The following ADAMTS6 variants were observed in gnomAD, a reference collection of about 807,000 sequenced individuals.
ADAMTS6 encodes A disintegrin and metalloproteinase with thrombospondin motifs 6.
ADAMTS6 carries 23 observed loss-of-function variants against 144.3 expected under a neutral mutation model. The observed-to-expected ratio is 0.16, with a 90% confidence interval of 0.11 to 0.23. The LOEUF is 0.23. Among genes scored for constraint, ADAMTS6 ranks in the 10% least tolerant of loss-of-function variants. ADAMTS6 has a pLI of 1.00. For missense variants in ADAMTS6, 999 were observed against 1,379.6 expected (o/e 0.72, Z 4.37); for synonymous variants, 444 against 457.5 (o/e 0.97, Z 0.38).
At position 65,273,453 on chromosome 5, in the gene ADAMTS6, A is replaced by G; in HGVS notation, c.1513-6T>C. ...CAGAGCTCTCTACACACTTCCTAGGAAAGAAGGCAAAAGCAAGTTGATCAG... is the reference window on the plus strand; with the variant it reads ...CAGAGCTCTCTACACACTTCCTAGGGAAGAAGGCAAAAGCAAGTTGATCAG... On this transcript the variant is annotated splice_polypyrimidine_tract_variant and splice_region_variant and intron_variant, in intron 11 of 24. Coordinates refer to ENST00000381055, the MANE Select transcript of ADAMTS6 (RefSeq NM_197941.4). 6.2e-7 allele frequency: 1 copy of G among 1,607,296 alleles called. No individual in the cohort carries two copies.
intron 22 of ADAMTS6, among the ~76,000 whole-genome samples, chr5:65,176,165 G>A (rs1415845082): frequency 6.6e-6 from 1 of 152,094 alleles, no homozygotes; most frequent in African/African-American, 2.4e-5. Context: ...TGTTATATGG[G>A]AAGTTCTTGT....
intron 7 of ADAMTS6, among the ~76,000 whole-genome samples, chr5:65,451,128 G>T (rs1580737844): frequency 1.3e-5 from 2 of 152,036 alleles, no homozygotes; most frequent in African/African-American, 4.8e-5. Flanking sequence ...TTATTTTTAA[G>T]ATATGTATTT....
Position 65,437,237 on chromosome 5 carries a change from G to A in ADAMTS6, c.1073+14238C>T, listed in dbSNP as rs548388161. On this transcript the variant is annotated intron_variant, in intron 7 of 24. Transcript: ENST00000381055. ...AGCCTCCCGAGTAGCTGGGACTACA[G>A]GCACCCACCACCACGCCCAGATAAT... Among the ~76,000 whole-genome samples the A allele has an allele frequency of 5.3e-4, 81 of 152,016 alleles. No individual in the cohort carries two copies. In the South Asian group the frequency reaches 0.017, roughly 31 times the overall value.
At chr5:65,306,244 T>C (rs530712375) in intron 9 of ADAMTS6, among the ~76,000 whole-genome samples, 11 of 152,324 alleles carry the variant, frequency 7.2e-5, no homozygotes, top group South Asian at 4.1e-4. Context: ...ATGAGTAACA[T>C]AGACTATTAA....
intron 7 of ADAMTS6, among the ~76,000 whole-genome samples, chr5:65,360,947 T>C (rs1817873): frequency 0.57 from 87,133 of 151,976 alleles, 26,430 homozygotes; most frequent in African/African-American, 0.78. Context: ...GGGCTTTTGG[T>C]AGGCACTGAT....
At chr5:65,361,445 C>T (rs1749812867) in intron 7 of ADAMTS6, among the ~76,000 whole-genome samples, 1 of 152,126 alleles carries the variant, frequency 6.6e-6, no homozygotes, top group Non-Finnish European at 1.5e-5. Flanking sequence ...GAACTAGGCA[C>T]CTCAGTTTCA....
chr5:65,267,714 A>AT (rs1364048814), intron 12 of ADAMTS6, among the ~76,000 whole-genome samples: 2 of 152,190 alleles, frequency 1.3e-5, no homozygotes, highest in African/African-American at 2.4e-5. Context: ...TTTAAAAAAA[A>AT]TTTTTTTCTA....
Position 65,262,801 on chromosome 5 carries a change from T to C in ADAMTS6, c.1766+16A>G. The C allele has an allele frequency of 1.9e-5, 28 of 1,487,022 alleles. No homozygotes were observed. The highest frequency in any genetic ancestry group is 2.5e-5 in the Non-Finnish European group (28 of 1,121,836). 92.1% of individuals were successfully genotyped at this position (1,487,022 alleles called of 1,614,324 possible). ...CTGTGTCTTTTTGTTGGCTCCGGCT[T>C]ACTTTAGCTACTTACGCTGGACTGT... On this transcript the variant is annotated intron_variant, in intron 13 of 24. Transcript: ENST00000381055.
intron 7 of ADAMTS6, among the ~76,000 whole-genome samples, chr5:65,404,039 G>A (rs771313316): frequency 6.6e-6 from 1 of 152,006 alleles, no homozygotes; most frequent in Admixed American, 6.6e-5. Flanking sequence ...AGTTGGCAAT[G>A]AAATCCAGAG....
intron 7 of ADAMTS6, among the ~76,000 whole-genome samples, chr5:65,419,281 CA>C (rs1342005228): frequency 6.6e-6 from 1 of 152,144 alleles, no homozygotes; most frequent in African/African-American, 2.4e-5. Context: ...GTATCCTAAG[CA>C]AATTAATGCA....
chr5:65,321,708 C>CT (rs529236363), intron 9 of ADAMTS6, among the ~76,000 whole-genome samples: 21,018 of 79,148 alleles, frequency 0.27, 3,389 homozygotes, highest in East Asian at 0.46. Flanking sequence ...TTTTCTTTTC[C>CT]TTTTTTTTTT....
intron 9 of ADAMTS6, among the ~76,000 whole-genome samples, chr5:65,321,575 T>C (rs982887385): frequency 6.6e-5 from 10 of 152,130 alleles, no homozygotes; most frequent in African/African-American, 2.4e-4. Flanking sequence ...TTGCTTTTGT[T>C]GTAATTGCTT....
chr5:65,357,119 G>C (rs894705655), intron 7 of ADAMTS6, among the ~76,000 whole-genome samples: 10 of 151,626 alleles, frequency 6.6e-5, no homozygotes, highest in Admixed American at 2.0e-4. Context: ...ACTACTTCAT[G>C]TGTATCAATG....
chr5:65,290,459 G>A (rs1301987145), intron 11 of ADAMTS6, among the ~76,000 whole-genome samples: 1 of 152,054 alleles, frequency 6.6e-6, no homozygotes, highest in Admixed American at 6.6e-5. Flanking sequence ...ACTGAGGCAG[G>A]AGAATTGCTT....
chr5:65,222,048 C>T (rs1757359159), intron 18 of ADAMTS6, among the ~76,000 whole-genome samples: 1 of 152,098 alleles, frequency 6.6e-6, no homozygotes, highest in Non-Finnish European at 1.5e-5. Context: ...GATGTCAATT[C>T]TCCACAAATT....
chr5:65,264,848 A>G (rs935183091), intron 12 of ADAMTS6, among the ~76,000 whole-genome samples: 1 of 152,244 alleles, frequency 6.6e-6, no homozygotes, highest in Non-Finnish European at 1.5e-5. Context: ...AATTTATTAG[A>G]TTAATTAATT....
At chr5:65,175,485 T>G (rs1346469701) in intron 22 of ADAMTS6, among the ~76,000 whole-genome samples, 3 of 152,194 alleles carry the variant, frequency 2.0e-5, no homozygotes, top group African/African-American at 7.2e-5. Context: ...TCCGTAACCC[T>G]GTAACACTCT....
intron 2 of ADAMTS6, 63 bp downstream of exon 2, chr5:65,473,513 CA>C: frequency 7.1e-7 from 1 of 1,406,146 alleles, no homozygotes; most frequent in Non-Finnish European, 1.0e-6. Context: ...ACTAAATATG[CA>C]GAATCTTTTC....
intron 7 of ADAMTS6, among the ~76,000 whole-genome samples, chr5:65,430,596 G>C (rs1023217631): frequency 3.3e-5 from 5 of 152,068 alleles, no homozygotes; most frequent in Admixed American, 6.6e-5. Context: ...CCTAATAGAA[G>C]CCCTCCATAA....
Sources: gnomAD v4.1 joint callset for allele counts (sites outside exome capture counted in the v4.1 genomes callset) on GRCh38, gnomAD v4.1.1 for gene constraint, MANE v1.5 for transcripts, NCBI Gene and HGNC (gene_info 2026-07-23, HGNC 2026-07-21) for gene names.